Variants in ZYG11B observed in about 807,000 individuals in gnomAD.
ZYG11B encodes zyg-11 family member B, cell cycle regulator, also known as protein zyg-11 homolog B.
Under a neutral mutation model 82.4 loss-of-function variants are expected in ZYG11B, and 36 were observed. The observed-to-expected ratio is 0.44, with a 90% CI of 0.33 to 0.58. The LOEUF is 0.58. Ranked by LOEUF, ZYG11B falls within the 20% of genes least tolerant of loss-of-function variation. The pLI is 0.02. For synonymous variants in ZYG11B, 303 were observed against 312.8 expected, an observed-to-expected ratio of 0.97 and a Z score of 0.33; for missense variants, 552 against 895.6, an observed-to-expected ratio of 0.62 and a Z score of 4.90.
At chr1:52,752,266 A>G (rs921427284) in intron 1 of ZYG11B, among the ~76,000 whole-genome samples, 5 of 152,210 alleles carry the variant, frequency 3.3e-5, no homozygotes, top group Non-Finnish European at 7.3e-5. Flanking sequence ...AATACAAAGG[A>G]TATTTTAAAG....
At chr1:52,795,314 A>G (rs1285035271) in intron 6 of ZYG11B, among the ~76,000 whole-genome samples, 1 of 152,068 alleles carries the variant, frequency 6.6e-6, no homozygotes, top group Non-Finnish European at 1.5e-5. Flanking sequence ...CATGATTGCA[A>G]GTTTCCTGAG....
At chr1:52,729,142 C>G (rs184274792) in intron 1 of ZYG11B, among the ~76,000 whole-genome samples, 8 of 152,298 alleles carry the variant, frequency 5.3e-5, no homozygotes, top group Admixed American at 6.5e-5. Flanking sequence ...TCCTAAGTCA[C>G]CTTTTCACTG....
chr1:52,816,467 C>A, intron 12 of ZYG11B, 65 bp from the exon 13 acceptor site: 2 of 1,118,998 alleles, frequency 1.8e-6, no homozygotes, highest in Non-Finnish European at 1.3e-6. Context: ...GTTTAGGAAT[C>A]ACTGCTTTAG....
rs4347155 is a variant in ZYG11B at position 52,774,042 on chromosome 1, G to A, written c.951+2268G>A. 6.3e-4 allele frequency among the ~76,000 whole-genome samples: 96 copies of A among 152,100 alleles called. 1 individual carries two copies. The highest frequency in any genetic ancestry group is 7.4e-4 in the Non-Finnish European group (50 of 67,986). ...ACAGAATAATACGTGCAAAGACTGC[G>A]TTAGGAAGAGAGGTGAGACCCAGGC... On this transcript the variant is annotated intron_variant, in intron 3 of 13. Transcript: ENST00000294353.
At chr1:52,767,335 G>A (rs1212460301) in intron 2 of ZYG11B, among the ~76,000 whole-genome samples, 3 of 32,670 alleles carry the variant, frequency 9.2e-5, no homozygotes, top group Non-Finnish European at 2.1e-4. Context: ...GTGGAGTTTC[G>A]CTCTTGTTGC....
chr1:52,738,827 C>T (rs907289218), intron 1 of ZYG11B, among the ~76,000 whole-genome samples: 2 of 151,660 alleles, frequency 1.3e-5, no homozygotes, highest in Admixed American at 1.3e-4. Flanking sequence ...CCATGTTGGT[C>T]TCAAACTCCC....
intron 5 of ZYG11B, among the ~76,000 whole-genome samples, chr1:52,787,078 G>A (rs146476690): frequency 2.2e-5 from 3 of 135,904 alleles, no homozygotes; most frequent in African/African-American, 5.7e-5. Context: ...CAACAAGAGC[G>A]AAACTCTTGT....
In ZYG11B at chr1:52,823,853, G is replaced by C. The variant is rs1645303835; in HGVS notation, c.*2224G>C. The C allele has an allele frequency of 6.6e-6, 1 of 152,250 alleles. No homozygotes were observed. The highest frequency in any genetic ancestry group is 1.5e-5 in the Non-Finnish European group (1 of 68,054). The allele number at this position is 152,250 out of a possible 1,614,324, so 9.4% of individuals were successfully genotyped here. A position where few individuals can be genotyped will look rare whatever the true frequency, so the allele number is the denominator to read the frequency against. On this transcript the variant is annotated 3_prime_UTR_variant, in exon 14 of 14. Transcript: ENST00000294353. Reference sequence around the variant, plus strand: ...ATCCAAAATATGTAAAAGCAAGGGTGGGCGTAGTGGCTCTTGCCTGTAATC... The same window carrying C: ...ATCCAAAATATGTAAAAGCAAGGGTCGGCGTAGTGGCTCTTGCCTGTAATC...
intron 12 of ZYG11B, among the ~76,000 whole-genome samples, chr1:52,815,280 T>C (rs1276231903): frequency 6.6e-6 from 1 of 151,944 alleles, no homozygotes; most frequent in Non-Finnish European, 1.5e-5. Context: ...GGTGGTAGTA[T>C]CACTTGAGTT....
chr1:52,802,231 A>T (rs1645080799), intron 10 of ZYG11B, 92 bp downstream of exon 10: 3 of 1,227,298 alleles, frequency 2.4e-6, no homozygotes, highest in Non-Finnish European at 3.5e-6. Context: ...CAGTGGCAGT[A>T]TCATAGCCCC....
chr1:52,744,827 C>T (rs761618997), intron 1 of ZYG11B, among the ~76,000 whole-genome samples: 15 of 151,874 alleles, frequency 9.9e-5, no homozygotes, highest in African/African-American at 2.7e-4. Flanking sequence ...CCTGGCAGAG[C>T]GAGACTCCAT....
chr1:52,757,252 A>G (rs192608460), intron 2 of ZYG11B, among the ~76,000 whole-genome samples: 226 of 152,048 alleles, frequency 1.5e-3, no homozygotes, highest in African/African-American at 4.4e-3. Flanking sequence ...TCCTCAAGCA[A>G]TCTTCCAACC....
At chr1:52,796,207 G>A in intron 6 of ZYG11B, 85 bp from the exon 7 acceptor site, 1 of 950,964 alleles carries the variant, frequency 1.1e-6, no homozygotes, top group Non-Finnish European at 1.7e-6. Flanking sequence ...ATATATTTAA[G>A]TTGTAGCATC....
rs1400686850 is a variant in ZYG11B at position 52,826,113 on chromosome 1, GTAT to G, written c.*4490_*4492del. 1 of 152,150 alleles carries G rather than the reference GTAT, an allele frequency of 6.6e-6. No individual in the cohort carries two copies. Among genetic ancestry groups the G allele is most frequent in the African/African-American group, 2.4e-5 (1 of 41,426 alleles). The allele number at this position is 152,150 out of a possible 1,614,324, so 9.4% of individuals were successfully genotyped here. A position where few individuals can be genotyped will look rare whatever the true frequency, so the allele number is the denominator to read the frequency against. On this transcript the variant is annotated 3_prime_UTR_variant, in exon 14 of 14. Transcript: ENST00000294353. ...ATTATACAATGTAGTGGTATAAACA[GTAT>G]TATTAAACTGAAGGCATAAGTTAAA... is the stretch of plus-strand genomic sequence containing the variant.
intron 13 of ZYG11B, 57 bp downstream of exon 13, chr1:52,816,686 C>T (rs1645227035): frequency 7.7e-7 from 1 of 1,292,162 alleles, no homozygotes; most frequent in Non-Finnish European, 1.1e-6. Context: ...TTCTCATTTC[C>T]CAGGAAAGAT....
chr1:52,745,338 G>A (rs1644467113), intron 1 of ZYG11B, among the ~76,000 whole-genome samples: 1 of 152,096 alleles, frequency 6.6e-6, no homozygotes, highest in Admixed American at 6.6e-5. Flanking sequence ...GCTATGAGAA[G>A]GTTTAGGAAG....
intron 1 of ZYG11B, among the ~76,000 whole-genome samples, chr1:52,733,585 T>TAGG (rs1224253545): frequency 6.6e-6 from 1 of 151,984 alleles, no homozygotes; most frequent in Non-Finnish European, 1.5e-5. Flanking sequence ...TGCTTGAGCC[T>TAGG]AGGAGGTTGA....
intron 3 of ZYG11B, among the ~76,000 whole-genome samples, chr1:52,776,248 A>ATATATATATATATATATATATATATATAT (rs1425431576): frequency 6.3e-4 from 60 of 94,688 alleles, no homozygotes; most frequent in South Asian, 1.4e-3. Flanking sequence ...ATATATATGC[A>ATATATATATATATATATATATATATATAT]ATAAAGTTGG....
intron 5 of ZYG11B, among the ~76,000 whole-genome samples, chr1:52,787,684 CAAGTGATTTG>C (rs1345554553): frequency 6.6e-6 from 1 of 152,122 alleles, no homozygotes; most frequent in Non-Finnish European, 1.5e-5. Context: ...ATCAAGACTC[CAAGTGATTTG>C]TATACACATT....
Sources: allele counts gnomAD v4.1 joint callset (sites outside exome capture counted in the v4.1 genomes callset), GRCh38; gene constraint gnomAD v4.1.1; transcripts MANE v1.5; gene names NCBI Gene and HGNC (gene_info 2026-07-23, HGNC 2026-07-21).